Variants in XPO6 observed in about 807,000 individuals in gnomAD.
The protein encoded by XPO6 is exportin-6.
Under a neutral mutation model 130.0 loss-of-function variants are expected in XPO6, and 3 were observed. That is an observed-to-expected ratio of 0.02 (90% CI 0.01 to 0.06). The LOEUF is 0.06. Ranked by LOEUF, XPO6 falls within the 10% of genes least tolerant of loss-of-function variation. The pLI is 1.00. For synonymous variants in XPO6, 524 were observed against 548.9 expected, an observed-to-expected ratio of 0.95 and a Z score of 0.63; for missense variants, 970 against 1,393.0, an observed-to-expected ratio of 0.70 and a Z score of 4.83.
chr16:28,200,513 C>G (rs1363224140), intron 1 of XPO6, among the ~76,000 whole-genome samples: 1 of 151,036 alleles, frequency 6.6e-6, no homozygotes, highest in East Asian at 1.9e-4. Flanking sequence ...GACGGAGTTT[C>G]GTCTGTCACC....
chr16:28,126,355 G>C (rs949063161), intron 12 of XPO6, among the ~76,000 whole-genome samples: 1 of 152,132 alleles, frequency 6.6e-6, no homozygotes, highest in African/African-American at 2.4e-5. Context: ...TAAGAGAGGA[G>C]AGGTACACTC....
In XPO6 at chr16:28,156,515, C is replaced by T. The variant is rs2043186595; in HGVS notation, c.656G>A (p.Ser219Asn). The T allele has an allele frequency of 1.3e-6, 2 of 1,547,326 alleles. No homozygotes were observed. Among genetic ancestry groups the T allele is most frequent in the Non-Finnish European group, 1.7e-6 (2 of 1,144,740 alleles). The change falls in exon 7 of 24, where the codon AGT becomes AAT. Residue 219 changes from serine to asparagine, a missense_variant. Around this residue, in one of 4 missense-constraint regions of XPO6, gnomAD observed 936 missense variants for 1,306.8 expected, o/e 0.72. Coordinates refer to ENST00000304658, the MANE Select transcript of XPO6 (RefSeq NM_015171.4). ...PTSGESGDLL[S>N]NLLQSPSSAK... ...TGAACTGGGACTCTGCAACAGGTTA[C>T]TCAGTAAGTCACCTGAAAATAAGAA...
At chr16:28,207,323 G>T (rs902824580) in intron 1 of XPO6, among the ~76,000 whole-genome samples, 1 of 150,660 alleles carries the variant, frequency 6.6e-6, no homozygotes, top group African/African-American at 2.4e-5. Flanking sequence ...AACTAAAAAA[G>T]AAATGCTAAT....
At position 28,112,993 on chromosome 16, in the gene XPO6, CGGT is replaced by C; in HGVS notation, c.2059_2061del (p.Thr687del). 1.2e-6 allele frequency: 2 copies of C among 1,614,106 alleles called. No homozygotes were observed. The highest frequency in any genetic ancestry group is 1.7e-6 in the Non-Finnish European group (2 of 1,180,022). ...ATGCTGATCAGAAAGACGGGCCGCA[CGGT>C]GGTGGCCAGTGAGACCAGTAAGTGG... is the stretch of plus-strand genomic sequence containing the variant. On this transcript the variant is annotated inframe_deletion, in exon 16 of 24. Coordinates refer to ENST00000304658, the MANE Select transcript of XPO6 (RefSeq NM_015171.4).
intron 9 of XPO6, among the ~76,000 whole-genome samples, chr16:28,145,404 T>A (rs2042965881): frequency 6.6e-6 from 1 of 152,140 alleles, no homozygotes; most frequent in Admixed American, 6.5e-5. Context: ...ACAGGAAATA[T>A]ACTCTCTTCC....
chr16:28,129,942 AG>A (rs2042632732), intron 12 of XPO6, among the ~76,000 whole-genome samples: 2 of 152,218 alleles, frequency 1.3e-5, no homozygotes, highest in Admixed American at 1.3e-4. Flanking sequence ...ATGCTGTGCA[AG>A]GGGAACACCA....
At chr16:28,156,751 G>A (rs931896507) in intron 6 of XPO6, among the ~76,000 whole-genome samples, 30 of 152,134 alleles carry the variant, frequency 2.0e-4, no homozygotes, top group African/African-American at 7.2e-4. Flanking sequence ...TTCTTAGTGA[G>A]GGGGATCTGG....
rs531777684 is a variant in XPO6, at chr16:28,110,001, C to T, written c.2341+1816G>A. Among the ~76,000 whole-genome samples the T allele has an allele frequency of 1.2e-3, 175 of 152,098 alleles. 1 individual carries two copies. Among genetic ancestry groups the T allele is most frequent in the South Asian group, 3.5e-3 (17 of 4,818 alleles). On this transcript the variant is annotated intron_variant, in intron 17 of 23. Coordinates refer to ENST00000304658, the MANE Select transcript of XPO6 (RefSeq NM_015171.4). Reference sequence around the variant, plus strand: ...TTAGTGAATCTGGGTGAGAGAGATGCAGTTGTTCATTTTCTTATTCCTTTG... The same window carrying T: ...TTAGTGAATCTGGGTGAGAGAGATGTAGTTGTTCATTTTCTTATTCCTTTG...
chr16:28,102,740 C>CA (rs1399810990), intron 21 of XPO6, among the ~76,000 whole-genome samples: 1 of 150,212 alleles, frequency 6.7e-6, no homozygotes, highest in Non-Finnish European at 1.5e-5. Flanking sequence ...AGACTTATCT[C>CA]AAAAAAAGAA....
chr16:28,121,619 T>C, intron 14 of XPO6, 51 bp downstream of exon 14: 1 of 1,325,252 alleles, frequency 7.5e-7, no homozygotes, highest in South Asian at 1.2e-5. Context: ...ATTTGGAGAT[T>C]GGGGGCAAGG....
At position 28,169,156 on chromosome 16, in the gene XPO6, A is replaced by T. The variant is rs116951996; in HGVS notation, c.565+594T>A. 4.7e-3 allele frequency among the ~76,000 whole-genome samples: 709 copies of T among 152,332 alleles called. 12 individuals carry two copies. In the South Asian group the frequency reaches 0.055, roughly 12 times the overall value. On this transcript the variant is annotated intron_variant, in intron 5 of 23. Coordinates refer to ENST00000304658, the MANE Select transcript of XPO6 (RefSeq NM_015171.4). Reference sequence around the variant, plus strand: ...TGTCTCCCTAGCAAACAGGTATCACAGCAGCACACAGCAGCCACCCCAGTC... The same window carrying T: ...TGTCTCCCTAGCAAACAGGTATCACTGCAGCACACAGCAGCCACCCCAGTC...
intron 2 of XPO6, among the ~76,000 whole-genome samples, chr16:28,178,120 C>CA (rs1191546248): frequency 6.6e-6 from 1 of 152,116 alleles, no homozygotes; most frequent in African/African-American, 2.4e-5. Context: ...AAATATAATC[C>CA]AAAAAGGGTA....
At chr16:28,198,505 T>G (rs2043903963) in intron 1 of XPO6, among the ~76,000 whole-genome samples, 1 of 152,094 alleles carries the variant, frequency 6.6e-6, no homozygotes, top group African/African-American at 2.4e-5. Flanking sequence ...GAAACTGAGC[T>G]AAATTATTGG....
At chr16:28,117,075 T>C (rs1034773293) in intron 15 of XPO6, 2 of 458,482 alleles carry the variant, frequency 4.4e-6, no homozygotes, top group African/African-American at 3.8e-5. Context: ...ATCTGAATGA[T>C]ATTTTACTTT....
intron 9 of XPO6, among the ~76,000 whole-genome samples, chr16:28,136,108 G>C (rs1006876467): frequency 2.0e-5 from 3 of 152,192 alleles, no homozygotes; most frequent in African/African-American, 7.2e-5. Flanking sequence ...ACAATTAACA[G>C]AAGTTAAATA....
chr16:28,102,503 C>T (rs1329545062), intron 21 of XPO6, among the ~76,000 whole-genome samples: 2 of 152,110 alleles, frequency 1.3e-5, no homozygotes, highest in Non-Finnish European at 2.9e-5. Context: ...TTTGGGAAGC[C>T]GAGGTGGGCG....
chr16:28,207,000 A>C (rs931500424), intron 1 of XPO6, among the ~76,000 whole-genome samples: 2 of 152,198 alleles, frequency 1.3e-5, no homozygotes, highest in Non-Finnish European at 2.9e-5. Context: ...TAATCCTAGC[A>C]CTTTGGGAGG....
intron 6 of XPO6, among the ~76,000 whole-genome samples, chr16:28,161,675 T>A (rs1221395518): frequency 6.6e-6 from 1 of 152,176 alleles, no homozygotes; most frequent in Non-Finnish European, 1.5e-5. Context: ...AAACTATATA[T>A]GCATATTCTC....
At chr16:28,171,239 G>A (rs1465791013) in intron 4 of XPO6, among the ~76,000 whole-genome samples, 1 of 151,724 alleles carries the variant, frequency 6.6e-6, no homozygotes, top group Admixed American at 6.6e-5. Context: ...TATCACTTGA[G>A]GTCAGCAGTT....
Sources: allele counts gnomAD v4.1 joint callset (sites outside exome capture counted in the v4.1 genomes callset), GRCh38; gene constraint gnomAD v4.1.1; regional missense constraint gnomAD v4.1.1; transcripts MANE v1.5; gene names NCBI Gene and HGNC (gene_info 2026-07-23, HGNC 2026-07-21).